CACNA1E: variants seen among roughly 807,000 people sequenced by gnomAD.
The protein encoded by CACNA1E is voltage-dependent R-type calcium channel subunit alpha-1E.
Under a neutral mutation model 259.2 loss-of-function variants are expected in CACNA1E, and 40 were observed. That is an observed-to-expected ratio of 0.15 (90% CI 0.12 to 0.20). The LOEUF is 0.20. Ranked by LOEUF, CACNA1E falls within the 10% of genes least tolerant of loss-of-function variation. CACNA1E has a pLI of 1.00. For missense variants in CACNA1E, 1,874 were observed against 3,040.1 expected (o/e 0.62, Z 9.02); for synonymous variants, 1,104 against 1,138.5 (o/e 0.97, Z 0.61).
At chr1:181,408,996 C>T (rs1557979834) in intron 1 of CACNA1E, among the ~76,000 whole-genome samples, 1 of 152,104 alleles carries the variant, frequency 6.6e-6, no homozygotes, top group Non-Finnish European at 1.5e-5. Flanking sequence ...GCCAGGTTCT[C>T]TGTAGAACCT....
At chr1:181,531,852 T>G (rs1572121976) in intron 3 of CACNA1E, among the ~76,000 whole-genome samples, 1 of 152,096 alleles carries the variant, frequency 6.6e-6, no homozygotes, top group Admixed American at 6.5e-5. Context: ...GTCAGGAGTT[T>G]GAGACCAGCC....
intron 6 of CACNA1E, among the ~76,000 whole-genome samples, chr1:181,593,679 C>T (rs1652878720): frequency 6.6e-6 from 1 of 152,170 alleles, no homozygotes; most frequent in Non-Finnish European, 1.5e-5. Flanking sequence ...GCTGGGACTA[C>T]AGGCACCCAC....
intron 1 of CACNA1E, among the ~76,000 whole-genome samples, chr1:181,370,270 G>GC (rs1553237065): frequency 7.1e-6 from 1 of 141,170 alleles, no homozygotes; most frequent in East Asian, 2.0e-4. Context: ...TTGTTTCATA[G>GC]TTTTTTTTTT....
intron 7 of CACNA1E, among the ~76,000 whole-genome samples, chr1:181,704,214 A>G (rs1288117642): frequency 1.3e-5 from 2 of 152,204 alleles, no homozygotes. Flanking sequence ...TATGACCTTC[A>G]GGAAGGTGTT....
Position 181,765,652 on chromosome 1 carries a change from G to A in CACNA1E, c.4816-894G>A, listed in dbSNP as rs12563405. Among the ~76,000 whole-genome samples, 978 of 152,324 alleles carry A rather than the reference G, an allele frequency of 6.4e-3. 33 individuals carry two copies. In the East Asian group the frequency reaches 0.082, roughly 13 times the overall value. The stretch of plus-strand genomic sequence containing the variant: ...CAATTGATCTCCTGGGATTCATGAT[G>A]TGCACAATCAAGACAGGGTGGAGAC... On this transcript the variant is annotated intron_variant, in intron 34 of 47. Transcript: ENST00000367573.
At chr1:181,658,455 A>T (rs1343819319) in intron 7 of CACNA1E, among the ~76,000 whole-genome samples, 1 of 152,248 alleles carries the variant, frequency 6.6e-6, no homozygotes, top group African/African-American at 2.4e-5. Context: ...CCTCTGTAAA[A>T]TGGGATAGCA....
intron 2 of CACNA1E, among the ~76,000 whole-genome samples, chr1:181,470,979 C>G (rs147241018): frequency 7.7e-4 from 117 of 152,316 alleles, no homozygotes; most frequent in African/African-American, 2.6e-3. Context: ...TTATTTCTCA[C>G]AGTTACGGAG....
intron 2 of CACNA1E, among the ~76,000 whole-genome samples, chr1:181,426,107 GGA>G (rs1440097613): frequency 1.3e-5 from 2 of 151,994 alleles, no homozygotes; most frequent in Non-Finnish European, 2.9e-5. Flanking sequence ...CTCCTGGTGT[GGA>G]GACAGTGTTG....
intron 17 of CACNA1E, among the ~76,000 whole-genome samples, 187 bp from the exon 18 acceptor site, chr1:181,725,878 C>G (rs757141218): frequency 1.3e-5 from 2 of 152,246 alleles, no homozygotes; most frequent in Non-Finnish European, 2.9e-5. Flanking sequence ...TACTGACTCC[C>G]AAGGGGCCTG....
At chr1:181,343,270 A>G (rs1205222806) in intron 1 of CACNA1E, among the ~76,000 whole-genome samples, 1 of 152,098 alleles carries the variant, frequency 6.6e-6, no homozygotes, top group African/African-American at 2.4e-5. Context: ...ATCCCCTCCA[A>G]ATCTCATGTT....
intron 2 of CACNA1E, among the ~76,000 whole-genome samples, chr1:181,474,509 A>ATGTT (rs2102424373): frequency 6.6e-6 from 1 of 152,348 alleles, no homozygotes; most frequent in East Asian, 1.9e-4. Flanking sequence ...GATAACCTGC[A>ATGTT]TGTTTGTACA....
chr1:181,404,109 T>C (rs575750099), intron 1 of CACNA1E, among the ~76,000 whole-genome samples: 1 of 152,364 alleles, frequency 6.6e-6, no homozygotes, highest in East Asian at 1.9e-4. Flanking sequence ...CAAAGGGATG[T>C]GGTTACCTTG....
intron 6 of CACNA1E, among the ~76,000 whole-genome samples, chr1:181,621,879 C>T (rs1033003250): frequency 6.6e-5 from 10 of 152,138 alleles, no homozygotes; most frequent in African/African-American, 2.4e-4. Context: ...GGTAGGGGAA[C>T]CTCTAGTTAC....
chr1:181,540,241 T>C (rs754409628), intron 3 of CACNA1E, among the ~76,000 whole-genome samples: 2 of 152,140 alleles, frequency 1.3e-5, no homozygotes, highest in Non-Finnish European at 1.5e-5. Flanking sequence ...AGGTGCCTCA[T>C]CATCAGGAAT....
rs536917268 is a variant in CACNA1E at position 181,423,076 on chromosome 1, C to T, written c.434+9496C>T. 7.2e-4 allele frequency among the ~76,000 whole-genome samples: 109 copies of T among 152,288 alleles called. 1 individual carries two copies. Among genetic ancestry groups the T allele is most frequent in the African/African-American group, 2.6e-3 (107 of 41,558 alleles). On this transcript the variant is annotated intron_variant, in intron 2 of 11. Transcript: ENST00000524607. ...AACCCCTATAAAAAAGGTTCATATCCAAATTACGTAAAAACATCTATCGCA... is the reference window on the plus strand; with the variant it reads ...AACCCCTATAAAAAAGGTTCATATCTAAATTACGTAAAAACATCTATCGCA...
intron 1 of CACNA1E, among the ~76,000 whole-genome samples, chr1:181,336,155 A>G (rs72729313): frequency 0.023 from 3,567 of 152,298 alleles, 50 homozygotes; most frequent in Non-Finnish European, 0.035. Context: ...TTGAGTGAAG[A>G]TAGAATCAGT....
rs1208750325 is a variant in CACNA1E, at chr1:181,654,982, C to CA, written c.1055+3562dup. On this transcript the variant is annotated intron_variant, in intron 7 of 47. Transcript: ENST00000367573. ...CCTGGGCGACAGCGAGACTCCATCT[C>CA]AAAAAAAAAAAAAAAAAAAAAGAAA... Among the ~76,000 whole-genome samples, 505 of 52,608 alleles carry CA rather than the reference C, an allele frequency of 9.6e-3. 9 individuals are homozygous for CA. Among genetic ancestry groups the CA allele is most frequent in the East Asian group, 0.036 (52 of 1,442 alleles). 34.5% of individuals were successfully genotyped at this position (52,608 alleles called of 152,430 possible).
rs752431880 is a variant in CACNA1E at position 181,752,128 on chromosome 1, G to A, written c.3732-15G>A. On this transcript the variant is annotated splice_polypyrimidine_tract_variant and intron_variant, in intron 26 of 47. Transcript: ENST00000367573. ...CCCCATTCCATATGATTCCCTGGGG[G>A]CCTCTCCCCTGCAGAACCAACAAAG... 5.1e-6 allele frequency: 8 copies of A among 1,574,180 alleles called. No homozygotes were observed. Among genetic ancestry groups the A allele is most frequent in the African/African-American group, 2.7e-5 (2 of 74,066 alleles).
intron 6 of CACNA1E, among the ~76,000 whole-genome samples, chr1:181,582,887 GGGA>G (rs1651679443): frequency 6.6e-6 from 1 of 152,094 alleles, no homozygotes; most frequent in Non-Finnish European, 1.5e-5. Context: ...AAGGAGGGAG[GGGA>G]GGAGATCAAG....
Sources: gnomAD v4.1 joint callset for allele counts (sites outside exome capture counted in the v4.1 genomes callset) on GRCh38, gnomAD v4.1.1 for gene constraint, MANE v1.5 for transcripts, NCBI Gene and HGNC (gene_info 2026-07-23, HGNC 2026-07-21) for gene names.